STK26: variants seen among roughly 807,000 people sequenced by gnomAD.
STK26 encodes serine/threonine-protein kinase 26.
A neutral mutation model predicts 34.7 loss-of-function variants in STK26; 14 were observed. The observed-to-expected ratio is 0.40, with a 90% CI of 0.27 to 0.63. STK26 has a LOEUF of 0.63. Ranked by LOEUF, STK26 falls within the 30% of genes least tolerant of loss-of-function variation. STK26 has a pLI of 0.38. For missense variants in STK26, 226 were observed against 309.1 expected, an observed-to-expected ratio of 0.73 and a Z score of 2.02; for synonymous variants, 100 against 109.8, an observed-to-expected ratio of 0.91 and a Z score of 0.56.
Position 132,073,030 on chromosome X carries a change from C to G in STK26, c.1163C>G (p.Ala388Gly), listed in dbSNP as rs777513211. ...GAACTCGAGAAAAGTATTGCTGTGG[C>G]TGAAGCCGCCTGTCCCGGCATCACA... is the stretch of plus-strand genomic sequence containing the variant. The part of the protein sequence containing the change: ...IEELEKSIAV[A>G]EAACPGITDK... The change falls in exon 11 of 12, where the codon GCT becomes GGT. Residue 388 changes from alanine to glycine, a missense_variant. Ala to Gly is a moderately conservative substitution (Grantham distance 60). This residue lies in a region of STK26 where 126 missense variants were observed against 132.4 expected (regional missense o/e 0.95). Transcript: ENST00000394334. 1 of 1,208,500 alleles carries G rather than the reference C, an allele frequency of 8.3e-7. No individual in the cohort carries two copies.
intron 2 of STK26, among the ~76,000 whole-genome samples, chrX:132,025,194 CTCT>C (rs1409267464): frequency 9.0e-6 from 1 of 110,821 alleles, no homozygotes; most frequent in Non-Finnish European, 1.9e-5. Context: ...TCTCACCGTG[CTCT>C]TCTTTCCATT....
At chrX:132,025,365 A>T (rs1935077457) in intron 2 of STK26, among the ~76,000 whole-genome samples, 1 of 111,467 alleles carries the variant, frequency 9.0e-6, no homozygotes, top group Non-Finnish European at 1.9e-5. Context: ...TGCTGAGGGG[A>T]AAATGGTTTC....
chrX:132,055,207 G>A (rs1288543708), intron 3 of STK26, among the ~76,000 whole-genome samples: 1 of 111,938 alleles, frequency 8.9e-6, no homozygotes, highest in East Asian at 2.8e-4. Flanking sequence ...CAACCTCAGA[G>A]CTGATGGAAC....
chrX:132,068,927 C>A (rs1927308305), intron 6 of STK26, among the ~76,000 whole-genome samples: 1 of 110,473 alleles, frequency 9.1e-6, no homozygotes, highest in Non-Finnish European at 1.9e-5. Flanking sequence ...GCAAGTACAC[C>A]CTGGCCTCAG....
chrX:132,025,034 C>T (rs976252266), intron 2 of STK26, among the ~76,000 whole-genome samples: 1 of 111,170 alleles, frequency 9.0e-6, no homozygotes, highest in African/African-American at 3.3e-5. Flanking sequence ...TCCTCTCAGG[C>T]GGCCTCCCCT....
chrX:132,031,596 G>A (rs1437049831), intron 2 of STK26, among the ~76,000 whole-genome samples: 2 of 111,898 alleles, frequency 1.8e-5, no homozygotes, highest in Non-Finnish European at 3.8e-5. Flanking sequence ...ATGTCCTCCA[G>A]TTCCGTCCAT....
intron 3 of STK26, among the ~76,000 whole-genome samples, chrX:132,060,084 C>T (rs377344926): frequency 6.3e-5 from 7 of 111,984 alleles, no homozygotes; most frequent in Non-Finnish European, 1.1e-4. Context: ...ATTCAACAGA[C>T]GCTTATTTAT....
chrX:132,052,543 G>T (rs1201278560), intron 2 of STK26, among the ~76,000 whole-genome samples: 1 of 111,919 alleles, frequency 8.9e-6, no homozygotes, highest in Non-Finnish European at 1.9e-5. Flanking sequence ...GTTTACTTCA[G>T]TGCTTCTTTA....
chrX:132,036,444 A>G (rs1431305406), intron 2 of STK26, among the ~76,000 whole-genome samples: 1 of 111,097 alleles, frequency 9.0e-6, no homozygotes, highest in Non-Finnish European at 1.9e-5. Flanking sequence ...AAAATACAAA[A>G]ATTAGCTGGG....
At chrX:132,070,782 T>G (rs930844070) in intron 7 of STK26, among the ~76,000 whole-genome samples, 1 of 113,039 alleles carries the variant, frequency 8.8e-6, no homozygotes, top group Non-Finnish European at 1.9e-5. Context: ...CATGTGTCTC[T>G]CTGCTTTTGA....
intron 3 of STK26, among the ~76,000 whole-genome samples, chrX:132,059,567 G>A (rs1926977756): frequency 9.0e-6 from 1 of 111,694 alleles, no homozygotes; most frequent in Non-Finnish European, 1.9e-5. Context: ...TCTTTATGAA[G>A]AGTGCTAAAA....
Position 132,044,627 on chromosome X carries a change from TTCTCTCTCTCTCTCTCTCTC to T in STK26, c.43-9985_43-9966del, listed in dbSNP as rs202173059. ...AACTTAGTTTCACTGGATGTTCAAA[TTCTCTCTCTCTCTCTCTCTC>T]TCTCTCTCTCTCTCTCTCGAGATCT... On this transcript the variant is annotated intron_variant, in intron 2 of 11. Coordinates refer to ENST00000394334, the MANE Select transcript of STK26 (RefSeq NM_016542.4). Among the ~76,000 whole-genome samples, 404 of 43,047 alleles carry T rather than the reference TTCTCTCTCTCTCTCTCTCTC, an allele frequency of 9.4e-3. 19 individuals carry two copies. Among genetic ancestry groups the T allele is most frequent in the Middle Eastern group, 0.026 (2 of 76 alleles). 37.4% of individuals were successfully genotyped at this position (43,047 alleles called of 115,157 possible).
Position 132,074,750 on chromosome X carries a change from G to C in STK26, c.*591G>C, listed in dbSNP as rs998471300. 1 of 111,170 alleles carries C rather than the reference G, an allele frequency of 9.0e-6. No individual in the cohort carries two copies. The highest frequency in any genetic ancestry group is 3.3e-5 in the African/African-American group (1 of 30,624). The allele number at this position is 111,170 out of a possible 1,213,427, so 9.2% of individuals were successfully genotyped here. On this transcript the variant is annotated 3_prime_UTR_variant, in exon 12 of 12. Transcript: ENST00000394334. Reference sequence around the variant, plus strand: ...ATGATTATCACATTTGAGACCCTGTGTTTGAAGCATTTACAGGCAATGTAC... The same window carrying C: ...ATGATTATCACATTTGAGACCCTGTCTTTGAAGCATTTACAGGCAATGTAC...
At chrX:132,036,577 AG>A (rs1308062115) in intron 2 of STK26, among the ~76,000 whole-genome samples, 1 of 112,002 alleles carries the variant, frequency 8.9e-6, no homozygotes, top group Non-Finnish European at 1.9e-5. Flanking sequence ...TCTGGGCGAC[AG>A]GGTGAGATGC....
intron 3 of STK26, chrX:132,055,611 GC>G: frequency 1.3e-6 from 1 of 749,525 alleles, no homozygotes; most frequent in Non-Finnish European, 1.9e-6. Context: ...TTGAAGAAAA[GC>G]CCCCATGAAC....
intron 2 of STK26, among the ~76,000 whole-genome samples, chrX:132,027,769 G>A (rs1319102475): frequency 1.8e-5 from 2 of 111,535 alleles, no homozygotes; most frequent in African/African-American, 3.3e-5. Flanking sequence ...GTTATATATC[G>A]AAAGAGAAAT....
intron 3 of STK26, among the ~76,000 whole-genome samples, chrX:132,059,142 A>G (rs1165753110): frequency 1.8e-5 from 2 of 111,734 alleles, no homozygotes; most frequent in African/African-American, 6.5e-5. Flanking sequence ...ACATAAGTCA[A>G]GGCCACATCC....
chrX:132,074,343 A>G lies in STK26; in HGVS notation c.*184A>G, dbSNP rs1238689947. 3.3e-5 allele frequency: 13 copies of G among 397,400 alleles called. No homozygotes were observed. 32.8% of individuals were successfully genotyped at this position (397,400 alleles called of 1,213,427 possible). A position where few individuals can be genotyped will look rare whatever the true frequency, so the allele number is the denominator to read the frequency against. Reference sequence around the variant, plus strand: ...TATCATTTTATATTTTGAAAGGATTATTTTGTAAGGAATAACTTTTAATAC... The same window carrying G: ...TATCATTTTATATTTTGAAAGGATTGTTTTGTAAGGAATAACTTTTAATAC... On this transcript the variant is annotated 3_prime_UTR_variant, in exon 12 of 12. Coordinates refer to ENST00000394334, the MANE Select transcript of STK26 (RefSeq NM_016542.4).
intron 2 of STK26, among the ~76,000 whole-genome samples, chrX:132,044,491 A>G (rs1299358387): frequency 4.6e-5 from 5 of 108,470 alleles, no homozygotes; most frequent in Non-Finnish European, 9.6e-5. Context: ...ATTTAAAAAT[A>G]GAGTCATTTC....
Sources: allele counts gnomAD v4.1 joint callset (sites outside exome capture counted in the v4.1 genomes callset), GRCh38; gene constraint gnomAD v4.1.1; regional missense constraint gnomAD v4.1.1; transcripts MANE v1.5; gene names NCBI Gene and HGNC (gene_info 2026-07-23, HGNC 2026-07-21).